The following SLC30A9 variants were observed in gnomAD, a reference collection of about 807,000 sequenced individuals.
SLC30A9 encodes proton-coupled zinc antiporter SLC30A9, mitochondrial.
In SLC30A9, 58 loss-of-function variants were observed where a neutral mutation model predicts 87.5. The observed-to-expected ratio is 0.66, with a 90% CI of 0.54 to 0.82. SLC30A9 has a LOEUF of 0.82. Ranked by LOEUF, SLC30A9 falls within the 40% of genes least tolerant of loss-of-function variation. SLC30A9 has a pLI of 0.00. For synonymous variants in SLC30A9, 234 were observed against 233.0 expected (o/e 1.00, Z -0.04); for missense variants, 557 against 679.1 (o/e 0.82, Z 2.00).
chr4:42,018,340 A>C, intron 3 of SLC30A9, 170 bp downstream of exon 3: 1 of 922,294 alleles, frequency 1.1e-6, no homozygotes, highest in Non-Finnish European at 1.6e-6. Context: ...ATATAAACTA[A>C]TTTTCTATTA....
chr4:42,039,997 A>G (rs898155582), intron 8 of SLC30A9, among the ~76,000 whole-genome samples: 5 of 152,234 alleles, frequency 3.3e-5, no homozygotes, highest in Admixed American at 6.5e-5. Context: ...GAAGACATTT[A>G]TAATACAGAC....
intron 6 of SLC30A9, among the ~76,000 whole-genome samples, chr4:42,033,332 T>A (rs939000348): frequency 6.6e-6 from 1 of 151,788 alleles, no homozygotes; most frequent in African/African-American, 2.4e-5. Flanking sequence ...GTTTTTTTTT[T>A]AATACTTAAA....
chr4:41,997,033 C>CAAAT (rs71650957), intron 1 of SLC30A9, among the ~76,000 whole-genome samples: 3,215 of 140,886 alleles, frequency 0.023, 49 homozygotes, highest in African/African-American at 0.037. Flanking sequence ...GACTCCATCT[C>CAAAT]AAATAAATAA....
Position 42,070,531 on chromosome 4 carries a change from C to G in SLC30A9, c.1258C>G (p.Pro420Ala). 1 of 1,609,618 alleles carries G rather than the reference C, an allele frequency of 6.2e-7. No homozygotes were observed. Among genetic ancestry groups the G allele is most frequent in the Non-Finnish European group, 8.5e-7 (1 of 1,177,604 alleles). ...TTTTTATGTGCTTCATTTAGGCAATCCACTGTATGACAGCCTAGGTTCTTT... is the reference window on the plus strand; with the variant it reads ...TTTTTATGTGCTTCATTTAGGCAATGCACTGTATGACAGCCTAGGTTCTTT... ...CMGLTSITGN[P>A]LYDSLGSLGV... The change falls in exon 15 of 18, where the codon CCA (proline) becomes GCA (alanine). Residue 420 changes from proline to alanine, a missense_variant. Physicochemically the swap from Pro to Ala is conservative, Grantham distance 27. This residue lies in a region of SLC30A9 where 467 missense variants were observed against 529.8 expected (regional missense o/e 0.88). Transcript: ENST00000264451.
intron 1 of SLC30A9, among the ~76,000 whole-genome samples, chr4:42,000,898 T>A (rs1190029825): frequency 6.6e-6 from 1 of 152,032 alleles, no homozygotes; most frequent in Non-Finnish European, 1.5e-5. Flanking sequence ...TTGGGTTCTT[T>A]CAAAAAGAGG....
intron 2 of SLC30A9, among the ~76,000 whole-genome samples, chr4:42,013,979 T>C (rs1164052897): frequency 6.6e-6 from 1 of 152,172 alleles, no homozygotes; most frequent in African/African-American, 2.4e-5. Context: ...GAGAAAGTAT[T>C]TGCAAACTAT....
chr4:42,048,951 GT>G (rs940312908), intron 8 of SLC30A9, among the ~76,000 whole-genome samples: 16 of 151,668 alleles, frequency 1.1e-4, no homozygotes, highest in Non-Finnish European at 1.9e-4. Context: ...AATTGTACTT[GT>G]TTTTTTTGTT....
chr4:42,074,217 A>G (rs1303244442), intron 15 of SLC30A9, among the ~76,000 whole-genome samples: 1 of 152,202 alleles, frequency 6.6e-6, no homozygotes, highest in Non-Finnish European at 1.5e-5. Context: ...TTGATGGTTG[A>G]TTAAAATATA....
intron 9 of SLC30A9, among the ~76,000 whole-genome samples, chr4:42,052,445 G>C (rs1365859589): frequency 1.3e-5 from 2 of 152,104 alleles, no homozygotes; most frequent in South Asian, 2.1e-4. Flanking sequence ...AAAGAACCTG[G>C]AATATTCAAA....
At position 42,086,248 on chromosome 4, in the gene SLC30A9, A is replaced by T. The variant is rs1418339937; in HGVS notation, c.*122A>T. On this transcript the variant is annotated 3_prime_UTR_variant, in exon 18 of 18. Transcript: ENST00000264451. ...GCCATGCAGAAGCCTTTTTTTTAAG[A>T]TGAAGGAAATATTTTATGTAAAGAG... 3 of 498,794 alleles carry T rather than the reference A, an allele frequency of 6.0e-6. No homozygotes were observed. Among genetic ancestry groups the T allele is most frequent in the South Asian group, 4.7e-5 (1 of 21,462 alleles). 30.9% of individuals were successfully genotyped at this position (498,794 alleles called of 1,614,324 possible). A position where few individuals can be genotyped will look rare whatever the true frequency, so the allele number is the denominator to read the frequency against.
chr4:42,056,497 C>T (rs886136603), intron 9 of SLC30A9, among the ~76,000 whole-genome samples: 5 of 152,118 alleles, frequency 3.3e-5, no homozygotes, highest in Admixed American at 1.3e-4. Flanking sequence ...TTCACTATCA[C>T]GAGAACAGCC....
At chr4:41,992,834 T>C (rs907349350) in intron 1 of SLC30A9, among the ~76,000 whole-genome samples, 5 of 152,184 alleles carry the variant, frequency 3.3e-5, no homozygotes, top group African/African-American at 1.2e-4. Flanking sequence ...ACTATTTAAA[T>C]TGGATGCATG....
intron 10 of SLC30A9, among the ~76,000 whole-genome samples, chr4:42,061,939 A>G (rs1717871404): frequency 6.6e-6 from 1 of 150,792 alleles, no homozygotes; most frequent in Non-Finnish European, 1.5e-5. Flanking sequence ...CCACGCCTGT[A>G]ATCCCAGCAC....
At chr4:42,018,579 C>T (rs1652129734) in intron 3 of SLC30A9, 2 of 401,300 alleles carry the variant, frequency 5.0e-6, no homozygotes, top group Admixed American at 5.0e-5. Flanking sequence ...TAGCTCTCTT[C>T]TGTATAACAA....
At chr4:42,015,098 T>A (rs1052993641) in intron 2 of SLC30A9, among the ~76,000 whole-genome samples, 2 of 152,172 alleles carry the variant, frequency 1.3e-5, no homozygotes, top group Non-Finnish European at 2.9e-5. Flanking sequence ...TTTGAGATGA[T>A]CGATGCTCCA....
intron 8 of SLC30A9, among the ~76,000 whole-genome samples, chr4:42,045,403 T>C (rs1717106387): frequency 6.6e-6 from 1 of 151,880 alleles, no homozygotes; most frequent in African/African-American, 2.4e-5. Context: ...CCCACAGAAA[T>C]ACAAAGTACC....
rs1718970126 is a variant in SLC30A9, at chr4:42,087,687, T to A, written c.*1561T>A. On this transcript the variant is annotated 3_prime_UTR_variant, in exon 18 of 18. Coordinates refer to ENST00000264451, the MANE Select transcript of SLC30A9 (RefSeq NM_006345.4). ...GTTTTATTTTTAAGATAGAAAATTG[T>A]TATATATATATATAATTTGATACTC... The A allele has an allele frequency of 6.6e-6, 1 of 150,810 alleles. No homozygotes were observed. Among genetic ancestry groups the A allele is most frequent in the Admixed American group, 6.6e-5 (1 of 15,156 alleles). The allele number at this position is 150,810 out of a possible 1,614,324, so 9.3% of individuals were successfully genotyped here.
At chr4:41,994,891 G>C (rs1274346950) in intron 1 of SLC30A9, among the ~76,000 whole-genome samples, 1 of 151,356 alleles carries the variant, frequency 6.6e-6, no homozygotes, top group Admixed American at 6.6e-5. Context: ...AAGAGGTTGG[G>C]GAGGAGGAGG....
chr4:42,001,343 A>AG, intron 1 of SLC30A9, among the ~76,000 whole-genome samples: 1 of 151,960 alleles, frequency 6.6e-6, no homozygotes, highest in Non-Finnish European at 1.5e-5. Flanking sequence ...CTTGCAACCA[A>AG]CATGCAAAAT....
Sources: gnomAD v4.1 joint callset for allele counts (sites outside exome capture counted in the v4.1 genomes callset) on GRCh38, gnomAD v4.1.1 for gene constraint, gnomAD v4.1.1 regional missense constraint, MANE v1.5 for transcripts, NCBI Gene and HGNC (gene_info 2026-07-23, HGNC 2026-07-21) for gene names.